IMMP2L: variants seen among roughly 807,000 people sequenced by gnomAD.
IMMP2L encodes the protein mitochondrial inner membrane protease subunit 2.
Under a neutral mutation model 19.3 loss-of-function variants are expected in IMMP2L, and 18 were observed. The ratio of observed to expected loss-of-function variants is 0.93; its 90% confidence interval spans 0.64 to 1.38. The LOEUF (loss-of-function observed/expected upper bound fraction) is 1.38, where lower values mean the gene tolerates loss of function less well. Among genes scored for constraint, IMMP2L ranks in the 40% most tolerant of loss-of-function variants. IMMP2L has a pLI of 0.00. For synonymous variants in IMMP2L, 76 were observed against 73.0 expected (o/e 1.04, Z -0.21); for missense variants, 233 against 218.2 (o/e 1.07, Z -0.43).
At chr7:111,373,651 A>G in intron 3 of IMMP2L, among the ~76,000 whole-genome samples, 1 of 152,072 alleles carries the variant, frequency 6.6e-6, no homozygotes, top group East Asian at 1.9e-4. Flanking sequence ...AGTGAGGATT[A>G]TGAACTGAAG....
intron 5 of IMMP2L, among the ~76,000 whole-genome samples, chr7:110,743,965 C>T (rs529871595): frequency 5.9e-5 from 9 of 152,206 alleles, no homozygotes; most frequent in Non-Finnish European, 1.2e-4. Context: ...TAGTCTGGTT[C>T]GTCGGAGCCC....
intron 4 of IMMP2L, among the ~76,000 whole-genome samples, chr7:110,912,221 A>G (rs1585237210): frequency 6.6e-6 from 1 of 152,234 alleles, no homozygotes; most frequent in South Asian, 2.1e-4. Flanking sequence ...ATTTGGCTGT[A>G]CCTATCAGAA....
rs1308984468 is a variant in IMMP2L at position 111,044,254 on chromosome 7, T to C, written c.240-80689A>G. Among the ~76,000 whole-genome samples, 2 of 152,102 alleles carry C rather than the reference T, an allele frequency of 1.3e-5. 1 individual carries two copies. Among genetic ancestry groups the C allele is most frequent in the Non-Finnish European group, 2.9e-5 (2 of 67,990 alleles). ...ACATTGCCTTTGATCTCTAAGGACCTAGAATCTGAAATTGTACATACTGGG... is the reference window on the plus strand; with the variant it reads ...ACATTGCCTTTGATCTCTAAGGACCCAGAATCTGAAATTGTACATACTGGG... On this transcript the variant is annotated intron_variant, in intron 3 of 5. Coordinates refer to ENST00000405709, the MANE Select transcript of IMMP2L (RefSeq NM_032549.4).
intron 5 of IMMP2L, among the ~76,000 whole-genome samples, chr7:110,780,351 C>T (rs1349926130): frequency 6.6e-6 from 1 of 151,178 alleles, no homozygotes; most frequent in Non-Finnish European, 1.5e-5. Flanking sequence ...ACGGTTTACA[C>T]TGGTGCTGAA....
intron 3 of IMMP2L, among the ~76,000 whole-genome samples, chr7:111,117,316 C>T (rs1297805799): frequency 6.6e-6 from 1 of 152,208 alleles, no homozygotes; most frequent in South Asian, 2.1e-4. Context: ...AATCTTACAA[C>T]TCATGCAACC....
At chr7:110,826,603 C>T (rs1482652697) in intron 5 of IMMP2L, among the ~76,000 whole-genome samples, 7 of 151,956 alleles carry the variant, frequency 4.6e-5, no homozygotes, top group East Asian at 1.9e-4. Flanking sequence ...AACCAAACAC[C>T]GCAGGTTCTC....
chr7:111,511,606 G>A (rs1406547625), intron 2 of IMMP2L, among the ~76,000 whole-genome samples: 2 of 147,646 alleles, frequency 1.4e-5, no homozygotes, highest in Non-Finnish European at 1.5e-5. Context: ...CGGAGATCGC[G>A]CCACTGCACT....
chr7:111,529,879 T>C (rs1847230014), intron 1 of IMMP2L, among the ~76,000 whole-genome samples: 1 of 152,146 alleles, frequency 6.6e-6, no homozygotes, highest in Non-Finnish European at 1.5e-5. Flanking sequence ...CTAGTACAAC[T>C]GATGTAGAGA....
intron 3 of IMMP2L, among the ~76,000 whole-genome samples, chr7:111,224,151 A>T (rs886706787): frequency 6.6e-6 from 1 of 152,020 alleles, no homozygotes. Flanking sequence ...TGCCCTGCAA[A>T]TCTCACAGGA....
intron 3 of IMMP2L, among the ~76,000 whole-genome samples, chr7:111,310,520 C>T (rs911005997): frequency 6.6e-6 from 1 of 152,046 alleles, no homozygotes; most frequent in Non-Finnish European, 1.5e-5. Flanking sequence ...ATACATATTG[C>T]TTTAAGCACT....
chr7:110,940,011 A>G (rs1816561298), intron 4 of IMMP2L, among the ~76,000 whole-genome samples: 1 of 152,182 alleles, frequency 6.6e-6, no homozygotes, highest in East Asian at 1.9e-4. Flanking sequence ...TTCCAGAGAT[A>G]TCACAGTGGG....
intron 3 of IMMP2L, chr7:111,122,863 C>A: frequency 6.2e-7 from 1 of 1,613,908 alleles, no homozygotes; most frequent in South Asian, 1.1e-5. Flanking sequence ...GGATTGTCCA[C>A]GGTTATGTAC....
At chr7:110,742,344 A>G (rs1490724829) in intron 5 of IMMP2L, among the ~76,000 whole-genome samples, 1 of 152,218 alleles carries the variant, frequency 6.6e-6, no homozygotes, top group East Asian at 1.9e-4. Flanking sequence ...GCCCAGGGAA[A>G]GAAACTATGA....
At chr7:111,081,911 A>G (rs1401447055) in intron 3 of IMMP2L, among the ~76,000 whole-genome samples, 1 of 152,220 alleles carries the variant, frequency 6.6e-6, no homozygotes, top group East Asian at 1.9e-4. Context: ...AGAGTGAGGA[A>G]GAAAGAATGA....
intron 5 of IMMP2L, among the ~76,000 whole-genome samples, chr7:110,768,830 A>G (rs1466461260): frequency 6.6e-6 from 1 of 152,118 alleles, no homozygotes; most frequent in African/African-American, 2.4e-5. Flanking sequence ...GCTACTTCAA[A>G]ACCCATGTTG....
intron 3 of IMMP2L, among the ~76,000 whole-genome samples, chr7:111,361,907 T>C (rs758910267): frequency 3.9e-5 from 6 of 152,128 alleles, no homozygotes; most frequent in Admixed American, 1.3e-4. Context: ...TCTAAAACAA[T>C]AGTCTTCATT....
chr7:110,685,414 T>G (rs1584497583), intron 5 of IMMP2L, among the ~76,000 whole-genome samples: 1 of 152,328 alleles, frequency 6.6e-6, no homozygotes, highest in East Asian at 1.9e-4. Flanking sequence ...TGCTACATAC[T>G]AACTGCTATG....
chr7:111,358,637 A>C (rs1828957284), intron 3 of IMMP2L, among the ~76,000 whole-genome samples: 1 of 152,142 alleles, frequency 6.6e-6, no homozygotes, highest in East Asian at 1.9e-4. Flanking sequence ...AATTCACCAG[A>C]CAACCCCACC....
chr7:110,935,180 A>G (rs1275693833), intron 4 of IMMP2L, among the ~76,000 whole-genome samples: 1 of 152,260 alleles, frequency 6.6e-6, no homozygotes, highest in African/African-American at 2.4e-5. Flanking sequence ...GAGCTCTTGT[A>G]GGGCAGGCCT....
Sources: allele counts gnomAD v4.1 joint callset (sites outside exome capture counted in the v4.1 genomes callset), GRCh38; gene constraint gnomAD v4.1.1; transcripts MANE v1.5; gene names NCBI Gene and HGNC (gene_info 2026-07-23, HGNC 2026-07-21).